NHSL1: variants seen among roughly 807,000 people sequenced by gnomAD.
NHSL1 encodes the protein NHS-like protein 1.
A neutral mutation model predicts 95.0 loss-of-function variants in NHSL1; 48 were observed. The observed-to-expected ratio is 0.51, with a 90% CI of 0.40 to 0.64. The LOEUF is 0.64. Ranked by LOEUF, NHSL1 falls within the 30% of genes least tolerant of loss-of-function variation. The probability of loss-of-function intolerance (pLI) is 0.00; values close to 1 mark genes in which losing one functional copy is unlikely to be tolerated. For synonymous variants in NHSL1, 783 were observed against 833.9 expected (o/e 0.94, Z 1.05); for missense variants, 1,971 against 2,077.7 (o/e 0.95, Z 1.00).
chr6:138,576,412 C>T (rs75381997), upstream of NHSL1, among the ~76,000 whole-genome samples: 2,236 of 152,318 alleles, frequency 0.015, 43 homozygotes, highest in African/African-American at 0.051. Context: ...ATTAGACTGC[C>T]TTGTCCCCAT....
At chr6:138,598,157 A>G (rs977886924) in intron 1 of NHSL1, among the ~76,000 whole-genome samples, 2 of 152,090 alleles carry the variant, frequency 1.3e-5, no homozygotes, top group African/African-American at 2.4e-5. Flanking sequence ...CTCTACAAAT[A>G]ATAATTTTTT....
intron 3 of NHSL1, among the ~76,000 whole-genome samples, chr6:138,453,662 TC>T (rs1205794049): frequency 6.6e-6 from 1 of 152,042 alleles, no homozygotes; most frequent in East Asian, 1.9e-4. Flanking sequence ...TCCTCCCACC[TC>T]AGCCTCCCGA....
intron 2 of NHSL1, among the ~76,000 whole-genome samples, chr6:138,479,791 C>T (rs1267750749): frequency 6.6e-6 from 1 of 152,172 alleles, no homozygotes; most frequent in Non-Finnish European, 1.5e-5. Flanking sequence ...TTATCACTGA[C>T]TTCTGTAATT....
upstream of NHSL1, among the ~76,000 whole-genome samples, chr6:138,546,985 C>T (rs117065545): frequency 1.3e-5 from 2 of 152,314 alleles, no homozygotes; most frequent in East Asian, 1.9e-4. Context: ...CCCACAGAGA[C>T]GTGAGTCTCC....
intron 1 of NHSL1, among the ~76,000 whole-genome samples, chr6:138,664,960 GA>G (rs1026362731): frequency 1.3e-5 from 2 of 151,878 alleles, no homozygotes; most frequent in Non-Finnish European, 2.9e-5. Context: ...TTATTCAAAT[GA>G]AAAAAAACTT....
intron 5 of NHSL1, among the ~76,000 whole-genome samples, chr6:138,439,588 C>A (rs970188742): frequency 6.6e-6 from 1 of 152,186 alleles, no homozygotes; most frequent in Non-Finnish European, 1.5e-5. Context: ...CAAATGTTAA[C>A]TCCTCATTCT....
intron 3 of NHSL1, among the ~76,000 whole-genome samples, chr6:138,466,507 C>T (rs910081000): frequency 6.6e-6 from 1 of 152,228 alleles, no homozygotes; most frequent in Admixed American, 6.5e-5. Flanking sequence ...CTATCCTTTT[C>T]ATTTAACATT....
chr6:138,457,214 A>G (rs771843459), intron 3 of NHSL1, among the ~76,000 whole-genome samples: 20 of 152,160 alleles, frequency 1.3e-4, no homozygotes, highest in East Asian at 9.6e-4. Flanking sequence ...CTTTGCCAAC[A>G]GTATTTTTTT....
At chr6:138,567,682 T>C (rs938954547) in intron 1 of NHSL1, among the ~76,000 whole-genome samples, 4 of 152,112 alleles carry the variant, frequency 2.6e-5, no homozygotes, top group Non-Finnish European at 5.9e-5. Context: ...ACTCAAAAAT[T>C]GATTATCTAG....
intron 2 of NHSL1, among the ~76,000 whole-genome samples, chr6:138,478,117 G>A (rs71560673): frequency 0.22 from 30,273 of 139,908 alleles, 3,364 homozygotes; most frequent in East Asian, 0.35. Context: ...AGGTTCAAGC[G>A]ATTCTCCTGC....
chr6:138,486,914 G>C (rs1218041092), intron 2 of NHSL1, among the ~76,000 whole-genome samples: 1 of 152,196 alleles, frequency 6.6e-6, no homozygotes, highest in Non-Finnish European at 1.5e-5. Flanking sequence ...AGGACTTCCT[G>C]GGGCTACCCA....
chr6:138,574,077 G>T (rs2114461007), upstream of NHSL1, among the ~76,000 whole-genome samples: 1 of 152,122 alleles, frequency 6.6e-6, no homozygotes, highest in African/African-American at 2.4e-5. Flanking sequence ...ACAGGCGCCT[G>T]CCACCACGCC....
chr6:138,556,012 G>A (rs879695568), intron 1 of NHSL1, among the ~76,000 whole-genome samples: 3 of 151,872 alleles, frequency 2.0e-5, no homozygotes, highest in Non-Finnish European at 2.9e-5. Flanking sequence ...GCCCTGACAC[G>A]TTAGTTAGCC....
At chr6:138,672,941 A>C (rs1583475441) in intron 1 of NHSL1, among the ~76,000 whole-genome samples, 1 of 152,046 alleles carries the variant, frequency 6.6e-6, no homozygotes, top group South Asian at 2.1e-4. Flanking sequence ...TGCTTGAACC[A>C]GGGAGGCAGA....
intron 2 of NHSL1, among the ~76,000 whole-genome samples, chr6:138,476,957 T>TAAAAA (rs58311101): frequency 9.9e-5 from 10 of 100,550 alleles, no homozygotes; most frequent in Non-Finnish European, 1.2e-4. Context: ...TCCCTGAATC[T>TAAAAA]AAAAAAAAAA....
chr6:138,636,142 C>T (rs909712528), intron 1 of NHSL1, among the ~76,000 whole-genome samples: 177 of 146,964 alleles, frequency 1.2e-3, no homozygotes, highest in African/African-American at 4.1e-3. Context: ...AAAAAAAATA[C>T]ATCAACAGAA....
chr6:138,575,206 T>C (rs934583300), upstream of NHSL1, among the ~76,000 whole-genome samples: 1 of 152,218 alleles, frequency 6.6e-6, no homozygotes, highest in Non-Finnish European at 1.5e-5. Flanking sequence ...GTCCAAGTGC[T>C]ATTTTTTATT....
chr6:138,580,666 T>C (rs1294116501), intron 1 of NHSL1, among the ~76,000 whole-genome samples: 1 of 152,202 alleles, frequency 6.6e-6, no homozygotes. Context: ...CTGGCTCCAG[T>C]ACACCACTGA....
At chr6:138,561,059 G>C (rs1380457895) in intron 1 of NHSL1, among the ~76,000 whole-genome samples, 1 of 152,114 alleles carries the variant, frequency 6.6e-6, no homozygotes, top group African/African-American at 2.4e-5. Flanking sequence ...TTAAGCCCAA[G>C]CCTGACAATT....
Sources: allele counts gnomAD v4.1 joint callset (sites outside exome capture counted in the v4.1 genomes callset), GRCh38; gene constraint gnomAD v4.1.1; transcripts MANE v1.5; gene names NCBI Gene and HGNC (gene_info 2026-07-23, HGNC 2026-07-21).